NIPSNAP3B: variants seen among roughly 807,000 people sequenced by gnomAD.
NIPSNAP3B encodes nipsnap homolog 3B, also known as protein NipSnap homolog 3B.
NIPSNAP3B carries 30 observed loss-of-function variants against 31.5 expected under a neutral mutation model. The ratio of observed to expected loss-of-function variants is 0.95; its 90% CI spans 0.71 to 1.29. The LOEUF is 1.29. Among genes scored for constraint, NIPSNAP3B ranks in the 50% most tolerant of loss-of-function variants. The pLI, the probability that NIPSNAP3B is intolerant of heterozygous loss-of-function variation, is 0.00. For missense variants in NIPSNAP3B, 269 were observed against 300.7 expected (o/e 0.89, Z 0.78); for synonymous variants, 106 against 107.9 (o/e 0.98, Z 0.11).
intron 1 of NIPSNAP3B, among the ~76,000 whole-genome samples, chr9:104,765,738 T>C (rs1339655491): frequency 1.3e-5 from 2 of 152,232 alleles, no homozygotes; most frequent in Non-Finnish European, 2.9e-5. Context: ...GGATAAGTTA[T>C]AGCTTCCTTT....
At chr9:104,784,372 G>A in the NIPSNAP3B span, 11 of 1,613,912 alleles carry the variant, frequency 6.8e-6, no homozygotes, top group East Asian at 4.5e-5. Flanking sequence ...GAACTGCAAC[G>A]TCCACTACTG....
chr9:104,789,167 T>G, the NIPSNAP3B span, among the ~76,000 whole-genome samples: 1 of 152,228 alleles, frequency 6.6e-6, no homozygotes, highest in Admixed American at 6.5e-5. Flanking sequence ...CCTCTCTGTG[T>G]ATCTAATTAG....
At chr9:104,779,170 C>G (rs533996805), downstream of NIPSNAP3B, among the ~76,000 whole-genome samples, 2 of 152,314 alleles carry the variant, frequency 1.3e-5, no homozygotes, top group African/African-American at 4.8e-5. Flanking sequence ...AAGGCCATCT[C>G]TGACTTCTCT....
At position 104,764,186 on chromosome 9, in the gene NIPSNAP3B, G is replaced by C. The variant is rs1828037673; in HGVS notation, c.-55G>C. The C allele has an allele frequency of 2.7e-6, 4 of 1,504,794 alleles. No individual in the cohort carries two copies. The highest frequency in any genetic ancestry group is 2.7e-6 in the Non-Finnish European group (3 of 1,100,986). The allele number at this position is 1,504,794 out of a possible 1,614,324, so 93.2% of individuals were successfully genotyped here. On this transcript the variant is annotated 5_prime_UTR_variant, in exon 1 of 6. Coordinates refer to ENST00000374762, the MANE Select transcript of NIPSNAP3B (RefSeq NM_018376.4). ...CTTTTTTCCACTCGGGAAGACTTCA[G>C]AGAAGTCTCACAAAGGACTCGGCTG...
At chr9:104,779,199 C>T (rs1463938186), downstream of NIPSNAP3B, among the ~76,000 whole-genome samples, 1 of 152,096 alleles carries the variant, frequency 6.6e-6, no homozygotes, top group African/African-American at 2.4e-5. Flanking sequence ...ATCCAATTAC[C>T]ATGTCTTATT....
In NIPSNAP3B at chr9:104,764,259, G is replaced by C. The variant is rs200871682; in HGVS notation, c.19G>C (p.Gly7Arg). The C allele has an allele frequency of 1.2e-4, 185 of 1,600,846 alleles. No individual in the cohort carries two copies. In the Admixed American group the frequency reaches 3.1e-3, roughly 27 times the overall value. ...CCGCGCCATGCTCGTTCTCAGAAGC[G>C]GCCTGACCAAGGCGCTTGCCTCACG... MLVLRSGLTKALASRTL... is the reference protein window; with the variant it reads MLVLRSRLTKALASRTL... Residue 7 changes from glycine to arginine, a missense_variant, in exon 1 of 6, where the codon GGC becomes CGC. Transcript: ENST00000374762.
chr9:104,785,262 C>T, the NIPSNAP3B span: 1 of 1,205,252 alleles, frequency 8.3e-7, no homozygotes, highest in Non-Finnish European at 1.2e-6. Flanking sequence ...TAGTAAAAAG[C>T]ATAGCTAGGA....
At chr9:104,784,010 G>T in the NIPSNAP3B span, 4 of 240,128 alleles carry the variant, frequency 1.7e-5, no homozygotes, top group Non-Finnish European at 2.4e-5. Flanking sequence ...AAAAAAAAAA[G>T]TGTGAGTTCA....
chr9:104,773,005 A>G lies in NIPSNAP3B; in HGVS notation c.676A>G (p.Ser226Gly), dbSNP rs1828258570. ...DPRVVAAVRE[S>G]VNYLVSQQNM... The stretch of plus-strand genomic sequence containing the variant: ...ATGAAATGTTTTTCCAGTTCGGGAA[A>G]GTGTCAACTACCTAGTTTCTCAGCA... The change falls in exon 6 of 6, where the codon AGT (serine) becomes GGT (glycine). Residue 226 changes from serine to glycine, a missense_variant. Ser to Gly is a moderately conservative substitution (Grantham distance 56). Transcript: ENST00000374762. 6.8e-6 allele frequency: 11 copies of G among 1,614,018 alleles called. No individual in the cohort carries two copies. Among genetic ancestry groups the G allele is most frequent in the Admixed American group, 1.7e-5 (1 of 60,010 alleles).
chr9:104,788,966 A>C, the NIPSNAP3B span, among the ~76,000 whole-genome samples: 7,848 of 152,304 alleles, frequency 0.052, 350 homozygotes, highest in East Asian at 0.27. Flanking sequence ...AAGGCCCAGA[A>C]ATTTTGAGTG....
At position 104,775,168 on chromosome 9, in the gene NIPSNAP3B, A is replaced by G. The variant is rs1828307794; in HGVS notation, c.*2095A>G. Among the ~76,000 whole-genome samples, 1 of 144,264 alleles carries G rather than the reference A, an allele frequency of 6.9e-6. No individual in the cohort carries two copies. Among genetic ancestry groups the G allele is most frequent in the Admixed American group, 7.3e-5 (1 of 13,778 alleles). The allele number at this position is 144,264 out of a possible 152,430, so 94.6% of individuals were successfully genotyped here. On this transcript the variant is annotated 3_prime_UTR_variant, in exon 6 of 6. Coordinates refer to ENST00000374762, the MANE Select transcript of NIPSNAP3B (RefSeq NM_018376.4). ...TCAACTGGATTCTTCTCCTCAGCAT[A>G]TAAATATACTTTTTTTTCCTATCTT...
At chr9:104,790,157 A>G in the NIPSNAP3B span, among the ~76,000 whole-genome samples, 1 of 151,942 alleles carries the variant, frequency 6.6e-6, no homozygotes, top group South Asian at 2.1e-4. Flanking sequence ...ACATTATCTA[A>G]GAAGCCTATA....
At chr9:104,769,172 G>A in intron 3 of NIPSNAP3B, 151 bp downstream of exon 3, 2 of 555,338 alleles carry the variant, frequency 3.6e-6, no homozygotes. Flanking sequence ...ATGAATTAGA[G>A]ACTGGGCGCG....
At chr9:104,767,257 C>T (rs1828109193) in intron 2 of NIPSNAP3B, among the ~76,000 whole-genome samples, 1 of 151,872 alleles carries the variant, frequency 6.6e-6, no homozygotes, top group Non-Finnish European at 1.5e-5. Flanking sequence ...TTTCTGTACC[C>T]CAGAGTTTCA....
At chr9:104,788,118 C>T in the NIPSNAP3B span, 7 of 1,527,922 alleles carry the variant, frequency 4.6e-6, no homozygotes, top group Admixed American at 1.7e-5. Flanking sequence ...CTGTCCTACA[C>T]ATACATGTAT....
Position 104,772,842 on chromosome 9 carries a change from G to T in NIPSNAP3B, c.601G>T (p.Glu201Ter). ...TGCAGTTCATGTTCTTTGGTGGAAT[G>T]AGAGTGCAGATAGTCGTGCAGCTGG... ...LNRVHVLWWN[E>*]SADSRAAGRH... Residue 201 changes from glutamate to a stop codon, truncating the protein, a stop_gained, in exon 5 of 6, where the codon GAG (glutamate) becomes TAG (stop). Transcript: ENST00000374762. LOFTEE classifies it high-confidence loss of function. 6.2e-7 allele frequency: 1 copy of T among 1,613,318 alleles called. No individual in the cohort carries two copies. The highest frequency in any genetic ancestry group is 8.5e-7 in the Non-Finnish European group (1 of 1,179,648).
At position 104,774,416 on chromosome 9, in the gene NIPSNAP3B, C is replaced by T. The variant is rs1828291165; in HGVS notation, c.*1343C>T. Among the ~76,000 whole-genome samples, 1 of 152,208 alleles carries T rather than the reference C, an allele frequency of 6.6e-6. No homozygotes were observed. Among genetic ancestry groups the T allele is most frequent in the Non-Finnish European group, 1.5e-5 (1 of 68,038 alleles). ...CAGAGTTCAAAGAGGCCTAAGACATCTCACATTTATGTGAAATAGTTGAGG... is the reference window on the plus strand; with the variant it reads ...CAGAGTTCAAAGAGGCCTAAGACATTTCACATTTATGTGAAATAGTTGAGG... On this transcript the variant is annotated 3_prime_UTR_variant, in exon 6 of 6. Coordinates refer to ENST00000374762, the MANE Select transcript of NIPSNAP3B (RefSeq NM_018376.4).
chr9:104,785,592 G>A, the NIPSNAP3B span: 81 of 1,613,970 alleles, frequency 5.0e-5, no homozygotes, highest in Non-Finnish European at 6.2e-5. Flanking sequence ...CTTCAGGTCC[G>A]GGTTGGACCC....
chr9:104,784,254 A>C, the NIPSNAP3B span: 6 of 1,607,200 alleles, frequency 3.7e-6, no homozygotes, highest in Non-Finnish European at 8.5e-7. Context: ...AACACTTCAC[A>C]TGGTGCAAAG....
Sources: allele counts gnomAD v4.1 joint callset (sites outside exome capture counted in the v4.1 genomes callset), GRCh38; gene constraint gnomAD v4.1.1; transcripts MANE v1.5; gene names NCBI Gene and HGNC (gene_info 2026-07-23, HGNC 2026-07-21).